The following TSNAXIP1 variants were observed in gnomAD, a reference collection of about 807,000 sequenced individuals.
TSNAXIP1 encodes translin-associated factor X-interacting protein 1.
A neutral mutation model predicts 84.8 loss-of-function variants in TSNAXIP1; 89 were observed. That is an observed-to-expected ratio of 1.05 (90% CI 0.88 to 1.25). The LOEUF (loss-of-function observed/expected upper bound fraction) is 1.25. Ranked by LOEUF, TSNAXIP1 falls within the 50% of genes most tolerant of loss-of-function variation. The probability of loss-of-function intolerance (pLI) is 0.00; values close to 1 mark genes in which losing one functional copy is unlikely to be tolerated. For missense variants in TSNAXIP1, 874 were observed against 887.6 expected, an observed-to-expected ratio of 0.98 and a Z score of 0.20; for synonymous variants, 347 against 335.2, an observed-to-expected ratio of 1.04 and a Z score of -0.39.
intron 2 of TSNAXIP1, among the ~76,000 whole-genome samples, chr16:67,819,766 G>C (rs1411412336): frequency 6.7e-6 from 1 of 149,448 alleles, no homozygotes; most frequent in Non-Finnish European, 1.5e-5. Flanking sequence ...TCCTGCCTCA[G>C]CCTCCTGAGT....
At chr16:67,813,588 C>A (rs1047609470) in intron 1 of TSNAXIP1, among the ~76,000 whole-genome samples, 2 of 151,648 alleles carry the variant, frequency 1.3e-5, no homozygotes, top group African/African-American at 4.8e-5. Context: ...CAAAAATTAT[C>A]CATGCGTGGT....
Position 67,827,272 on chromosome 16 carries a change from C to T in TSNAXIP1, c.1688C>T (p.Pro563Leu), listed in dbSNP as rs1417049984. 6.2e-7 allele frequency: 1 copy of T among 1,614,116 alleles called. No individual in the cohort carries two copies. Among genetic ancestry groups the T allele is most frequent in the South Asian group, 1.1e-5 (1 of 91,086 alleles). ...AGCACTGTCCTCAAGAGTACCTTCC[C>T]TCTCAAGACAGAAGAGCAAATCCAG... ...QFNTVLKSTF[P>L]LKTEEQIQEL... Residue 563 changes from proline to leucine, a missense_variant, in exon 14 of 16, where the codon CCT becomes CTT. Pro to Leu is a moderately conservative substitution (Grantham distance 98). Coordinates refer to ENST00000561639, the MANE Select transcript of TSNAXIP1 (RefSeq NM_001288990.3).
At chr16:67,817,761 C>T (rs999163304) in intron 2 of TSNAXIP1, among the ~76,000 whole-genome samples, 24 of 131,562 alleles carry the variant, frequency 1.8e-4, no homozygotes, top group African/African-American at 3.1e-4. Context: ...TGTGGTGGTG[C>T]GTGCCTGCAG....
In TSNAXIP1 at chr16:67,826,514, G is replaced by C. The variant is rs2057464418; in HGVS notation, c.1353G>C (p.Val451=). The C allele has an allele frequency of 6.2e-7, 1 of 1,614,122 alleles. No homozygotes were observed. Among genetic ancestry groups the C allele is most frequent in the South Asian group, 1.1e-5 (1 of 91,080 alleles). ...VENKKPSKKD[V]VNLLKDAWKE... ...ACAAGAAGCCAAGCAAGAAGGACGT[G>C]GTCAACCTCCTCAAGGATGCCTGGA... Residue 451 remains valine, a synonymous_variant, in exon 11 of 16, where the codon GTG becomes GTC. Transcript: ENST00000561639.
At chr16:67,826,322 G>C (rs754257774) in intron 10 of TSNAXIP1, 40 bp downstream of exon 10, 4 of 1,586,750 alleles carry the variant, frequency 2.5e-6, no homozygotes, top group African/African-American at 2.7e-5. Flanking sequence ...GCCAGAGTCA[G>C]AACAGCCATG....
At position 67,826,549 on chromosome 16, in the gene TSNAXIP1, T is replaced by C. The variant is rs2057467198; in HGVS notation, c.1388T>C (p.Leu463Pro). 6.2e-7 allele frequency: 1 copy of C among 1,614,182 alleles called. No individual in the cohort carries two copies. Among genetic ancestry groups the C allele is most frequent in the East Asian group, 2.2e-5 (1 of 44,884 alleles). ...NLLKDAWKERLAEEQKETFPD... is the reference protein window; with the variant it reads ...NLLKDAWKERPAEEQKETFPD... The stretch of plus-strand genomic sequence containing the variant: ...CTCAAGGATGCCTGGAAGGAACGTC[T>C]TGCTGAGGAGCAGGTCAGATCTCAC... Residue 463 changes from leucine (L) to proline (P), a missense_variant, in exon 11 of 16, where the codon CTT becomes CCT. Transcript: ENST00000561639.
At position 67,826,053 on chromosome 16, in the gene TSNAXIP1, G is replaced by C. The variant is rs758643865; in HGVS notation, c.1121G>C (p.Arg374Pro). The C allele has an allele frequency of 6.2e-7, 1 of 1,613,618 alleles. No homozygotes were observed. Among genetic ancestry groups the C allele is most frequent in the East Asian group, 2.2e-5 (1 of 44,882 alleles). The change falls in exon 9 of 16, where the codon CGG becomes CCG. Residue 374 changes from arginine to proline, a missense_variant. Physicochemically the swap from Arg to Pro is moderately radical, Grantham distance 103. Transcript: ENST00000561639. ...GAGATCCAGCGCACTTCCACGCCGC[G>C]GCCTGACTGGACCAAGTGCAAAGGT... ...LQEIQRTSTP[R>P]PDWTKCKDVV...
chr16:67,811,891 T>C (rs2056117670), intron 1 of TSNAXIP1, among the ~76,000 whole-genome samples: 1 of 152,168 alleles, frequency 6.6e-6, no homozygotes, highest in African/African-American at 2.4e-5. Flanking sequence ...GCTTAATCCA[T>C]ATGTTTTGCT....
At chr16:67,826,620 A>G (rs1277936293) in intron 11 of TSNAXIP1, 58 bp downstream of exon 11, 2 of 1,611,664 alleles carry the variant, frequency 1.2e-6, no homozygotes, top group Admixed American at 1.7e-5. Flanking sequence ...AGTCCTCTGC[A>G]GGTCCAGAGG....
chr16:67,819,975 C>T (rs1371116692), intron 2 of TSNAXIP1, among the ~76,000 whole-genome samples: 18 of 152,008 alleles, frequency 1.2e-4, no homozygotes, highest in Admixed American at 7.9e-4. Context: ...TCCGACACCA[C>T]GCCCGGCTAA....
chr16:67,813,731 CAAAAAAAAAAAAA>C (rs373627128), intron 1 of TSNAXIP1, among the ~76,000 whole-genome samples: 3 of 41,208 alleles, frequency 7.3e-5, no homozygotes, highest in Non-Finnish European at 1.4e-4. Flanking sequence ...GACTCCGTCT[CAAAAAAAAAAAAA>C]AAAAAAAAAA....
At chr16:67,812,857 C>A (rs1186004296) in intron 1 of TSNAXIP1, among the ~76,000 whole-genome samples, 1 of 152,050 alleles carries the variant, frequency 6.6e-6, no homozygotes, top group African/African-American at 2.4e-5. Context: ...GCGATCTGCC[C>A]GCCTTGGCTT....
At chr16:67,813,833 C>T (rs982851588) in intron 1 of TSNAXIP1, among the ~76,000 whole-genome samples, 1 of 151,278 alleles carries the variant, frequency 6.6e-6, no homozygotes, top group Non-Finnish European at 1.5e-5. Flanking sequence ...CCTATTAGAA[C>T]CCCAGATGTC....
rs1413886111 is a variant in TSNAXIP1 at position 67,826,043 on chromosome 16, T to C, written c.1111T>C (p.Ser371Pro). ...TGAGCTGCAGGAGATCCAGCGCACT[T>C]CCACGCCGCGGCCTGACTGGACCAA... ...FSELQEIQRTSTPRPDWTKCK... is the reference protein window; with the variant it reads ...FSELQEIQRTPTPRPDWTKCK... The change falls in exon 9 of 16, where the codon TCC (serine) becomes CCC (proline). Residue 371 changes from serine (S) to proline (P), a missense_variant. Coordinates refer to ENST00000561639, the MANE Select transcript of TSNAXIP1 (RefSeq NM_001288990.3). The C allele has an allele frequency of 6.2e-7, 1 of 1,613,618 alleles. No homozygotes were observed. Among genetic ancestry groups the C allele is most frequent in the African/African-American group, 1.3e-5 (1 of 74,880 alleles).
intron 2 of TSNAXIP1, among the ~76,000 whole-genome samples, chr16:67,818,706 T>TC (rs2056790686): frequency 6.7e-6 from 1 of 149,360 alleles, no homozygotes; most frequent in African/African-American, 2.4e-5. Flanking sequence ...CCCCATCCTT[T>TC]TTTTTTTTTT....
intron 2 of TSNAXIP1, among the ~76,000 whole-genome samples, chr16:67,816,090 G>A (rs773180684): frequency 2.4e-4 from 36 of 148,888 alleles, no homozygotes; most frequent in African/African-American, 8.5e-4. Flanking sequence ...TGCCTCAGCC[G>A]CCCCAGTAGC....
chr16:67,811,438 T>A (rs1253777290), intron 1 of TSNAXIP1, among the ~76,000 whole-genome samples: 1 of 135,030 alleles, frequency 7.4e-6, no homozygotes, highest in East Asian at 2.0e-4. Flanking sequence ...TGATTAGTCT[T>A]TTTTTTTTTT....
In TSNAXIP1 at chr16:67,818,296, C is replaced by T. The variant is rs567095810; in HGVS notation, c.148-2543C>T. On this transcript the variant is annotated intron_variant, in intron 2 of 15. Coordinates refer to ENST00000561639, the MANE Select transcript of TSNAXIP1 (RefSeq NM_001288990.3). ...TTGGGAGGCCAAAGAAGGAAGACTG[C>T]TTGAGACCAGGAGTTTGAGACCAGC... Among the ~76,000 whole-genome samples, 5 of 152,306 alleles carry T rather than the reference C, an allele frequency of 3.3e-5. No individual in the cohort carries two copies. In the East Asian group the frequency reaches 7.7e-4, roughly 23 times the overall value.
rs143951512 is a variant in TSNAXIP1 at position 67,819,550 on chromosome 16, G to A, written c.148-1289G>A. On this transcript the variant is annotated intron_variant, in intron 2 of 15. Transcript: ENST00000561639. ...TGGCCTCCCAAACTGCTGGGATTAC[G>A]GGCATGAGCCACTGTGCCCGGCCAG... 9.9e-5 allele frequency among the ~76,000 whole-genome samples: 15 copies of A among 151,930 alleles called. No homozygotes were observed. The East Asian group carries it at 1.2e-3, about 12-fold the overall frequency.
Sources: allele counts gnomAD v4.1 joint callset (sites outside exome capture counted in the v4.1 genomes callset), GRCh38; gene constraint gnomAD v4.1.1; transcripts MANE v1.5; gene names NCBI Gene and HGNC (gene_info 2026-07-23, HGNC 2026-07-21).